The following GPC5 variants were observed in gnomAD, a reference collection of about 807,000 sequenced individuals.
GPC5 encodes glypican-5.
Under a neutral mutation model 53.9 loss-of-function variants are expected in GPC5, and 47 were observed. The observed-to-expected ratio is 0.87, with a 90% CI of 0.69 to 1.11. The LOEUF is 1.11. GPC5 is among the 50% of genes most tolerant of loss of function. The pLI is 0.00. For synonymous variants in GPC5, 286 were observed against 263.3 expected, an observed-to-expected ratio of 1.09 and a Z score of -0.84; for missense variants, 748 against 713.1, an observed-to-expected ratio of 1.05 and a Z score of -0.56.
chr13:91,408,196 A>G (rs2138768475), intron 1 of GPC5, among the ~76,000 whole-genome samples: 1 of 152,226 alleles, frequency 6.6e-6, no homozygotes, highest in East Asian at 1.9e-4. Flanking sequence ...CTTGATCAAC[A>G]TCTTTCCAAC....
In GPC5 at chr13:92,382,340, A is replaced by G. The variant is rs188317554; in HGVS notation, c.1561+237351A>G. ...TAAAGAACTTCTGTAACCAAATACC[A>G]CCTGTACCCCCAATAACTTATGGAA... is the stretch of plus-strand genomic sequence containing the variant. On this transcript the variant is annotated intron_variant, in intron 7 of 7. Coordinates refer to ENST00000377067, the MANE Select transcript of GPC5 (RefSeq NM_004466.6). 6.6e-5 allele frequency among the ~76,000 whole-genome samples: 10 copies of G among 152,028 alleles called. No homozygotes were observed. In the East Asian group the frequency reaches 1.9e-3, roughly 29 times the overall value.
intron 7 of GPC5, among the ~76,000 whole-genome samples, chr13:92,753,155 T>G (rs1173906232): frequency 1.3e-5 from 2 of 152,300 alleles, no homozygotes; most frequent in African/African-American, 4.8e-5. Context: ...ATGGGCAGAC[T>G]GCCTCCTAAA....
At chr13:91,683,313 CCA>C (rs986627872) in intron 2 of GPC5, among the ~76,000 whole-genome samples, 1 of 152,176 alleles carries the variant, frequency 6.6e-6, no homozygotes, top group Non-Finnish European at 1.5e-5. Context: ...GCAGCCCAGA[CCA>C]CACCTTGATT....
intron 7 of GPC5, among the ~76,000 whole-genome samples, chr13:92,280,583 C>A (rs560682943): frequency 2.6e-5 from 4 of 152,040 alleles, no homozygotes; most frequent in Admixed American, 2.6e-4. Flanking sequence ...TTTATTTGTT[C>A]TTTGATCTTA....
At chr13:91,923,368 C>T (rs16946892) in intron 6 of GPC5, among the ~76,000 whole-genome samples, 12,903 of 152,180 alleles carry the variant, frequency 0.085, 950 homozygotes, top group African/African-American at 0.19. Flanking sequence ...CAGCACTTAA[C>T]CAGATGGCCC....
intron 7 of GPC5, among the ~76,000 whole-genome samples, chr13:92,572,846 C>T (rs747533132): frequency 2.4e-4 from 36 of 152,088 alleles, no homozygotes; most frequent in Admixed American, 5.2e-4. Context: ...GATTGCAGTT[C>T]TCTATTCCTG....
chr13:92,612,740 A>C (rs1250121880), intron 7 of GPC5, among the ~76,000 whole-genome samples: 1 of 152,112 alleles, frequency 6.6e-6, no homozygotes, highest in Non-Finnish European at 1.5e-5. Flanking sequence ...TGAAAAAACA[A>C]TATTGCCTGT....
chr13:91,930,499 C>T (rs866156739), intron 6 of GPC5, among the ~76,000 whole-genome samples: 7 of 151,862 alleles, frequency 4.6e-5, no homozygotes, highest in Middle Eastern at 3.4e-3. Context: ...CAAATTCTAC[C>T]GTAGATAAAC....
At chr13:91,658,339 G>A (rs1169992322) in intron 2 of GPC5, among the ~76,000 whole-genome samples, 2 of 151,710 alleles carry the variant, frequency 1.3e-5, no homozygotes. Context: ...CTTAGCCATA[G>A]CACATTTCTT....
intron 7 of GPC5, among the ~76,000 whole-genome samples, chr13:92,616,941 TAAA>T (rs1282410439): frequency 6.6e-6 from 1 of 151,760 alleles, no homozygotes; most frequent in African/African-American, 2.4e-5. Context: ...AAGGAAAAAA[TAAA>T]AAATATTGAA....
At position 91,878,477 on chromosome 13, in the gene GPC5, T is replaced by C. The variant is rs577688821; in HGVS notation, c.1281-29460T>C. 2.0e-5 allele frequency among the ~76,000 whole-genome samples: 3 copies of C among 152,322 alleles called. No homozygotes were observed. In the East Asian group the frequency reaches 5.8e-4, roughly 29 times the overall value. On this transcript the variant is annotated intron_variant, in intron 5 of 7. Transcript: ENST00000377067. ...GGAAAATTAGAACATATTACAATTA[T>C]TTTATACATAAGATAATTGAGTGAT...
chr13:92,241,214 G>C (rs2042609436), intron 7 of GPC5: 1 of 152,144 alleles, frequency 6.6e-6, no homozygotes, highest in Non-Finnish European at 1.5e-5. Context: ...TTGGGGGCAA[G>C]AAGTATGTGC....
At chr13:92,390,896 CA>C (rs1244022187) in intron 7 of GPC5, among the ~76,000 whole-genome samples, 1 of 151,988 alleles carries the variant, frequency 6.6e-6, no homozygotes, top group Non-Finnish European at 1.5e-5. Flanking sequence ...GGCTTTGGTT[CA>C]ACTGGTCACA....
At chr13:91,541,196 A>C (rs1032744462) in intron 2 of GPC5, among the ~76,000 whole-genome samples, 1 of 152,178 alleles carries the variant, frequency 6.6e-6, no homozygotes, top group South Asian at 2.1e-4. Flanking sequence ...AAGTGACTAC[A>C]TTTAAATATT....
At chr13:92,671,414 A>G (rs1245160773) in intron 7 of GPC5, among the ~76,000 whole-genome samples, 2 of 152,174 alleles carry the variant, frequency 1.3e-5, no homozygotes, top group Non-Finnish European at 2.9e-5. Flanking sequence ...GAAACCATCT[A>G]TCCATTACTC....
intron 7 of GPC5, among the ~76,000 whole-genome samples, chr13:92,346,089 C>T (rs900382673): frequency 6.6e-6 from 1 of 152,140 alleles, no homozygotes; most frequent in Admixed American, 6.5e-5. Flanking sequence ...CACCCCCATA[C>T]ATTTTGGGGA....
At chr13:91,854,405 C>A (rs2352186) in intron 5 of GPC5, among the ~76,000 whole-genome samples, 1 of 151,514 alleles carries the variant, frequency 6.6e-6, no homozygotes, top group Non-Finnish European at 1.5e-5. Context: ...TCCAATTAAA[C>A]TCTTAGTTAT....
intron 4 of GPC5, among the ~76,000 whole-genome samples, chr13:91,745,663 A>G (rs2037033431): frequency 6.6e-6 from 1 of 152,144 alleles, no homozygotes; most frequent in South Asian, 2.1e-4. Context: ...TCTTTACGTC[A>G]CAGTTTCTGT....
intron 7 of GPC5, among the ~76,000 whole-genome samples, chr13:92,296,662 G>A (rs1206966046): frequency 1.3e-5 from 2 of 152,160 alleles, no homozygotes; most frequent in Non-Finnish European, 2.9e-5. Context: ...GGGAGGTATG[G>A]AGGGAGAGGC....
Sources: allele counts gnomAD v4.1 joint callset (sites outside exome capture counted in the v4.1 genomes callset), GRCh38; gene constraint gnomAD v4.1.1; transcripts MANE v1.5; gene names NCBI Gene and HGNC (gene_info 2026-07-23, HGNC 2026-07-21).